The following CNTNAP2 variants were observed in gnomAD, a reference collection of about 807,000 sequenced individuals.
The protein encoded by CNTNAP2 is contactin-associated protein-like 2.
Under a neutral mutation model 155.2 loss-of-function variants are expected in CNTNAP2, and 98 were observed. The observed-to-expected ratio is 0.63, with a 90% CI of 0.54 to 0.75. CNTNAP2 has a LOEUF of 0.75. Ranked by LOEUF, CNTNAP2 falls within the 30% of genes least tolerant of loss-of-function variation. The pLI is 0.00. For synonymous variants in CNTNAP2, 651 were observed against 631.2 expected (o/e 1.03, Z -0.47); for missense variants, 1,727 against 1,688.1 (o/e 1.02, Z -0.40).
chr7:146,371,568 G>A (rs1041028506), intron 1 of CNTNAP2, among the ~76,000 whole-genome samples: 2 of 151,332 alleles, frequency 1.3e-5, no homozygotes, highest in Non-Finnish European at 2.9e-5. Context: ...TAGTAGAAAC[G>A]GGGTTTCACC....
At chr7:146,582,701 C>G (rs545650250) in intron 1 of CNTNAP2, among the ~76,000 whole-genome samples, 1 of 152,002 alleles carries the variant, frequency 6.6e-6, no homozygotes, top group Admixed American at 6.6e-5. Flanking sequence ...ATGCAGAGAC[C>G]AGATCACTCT....
At chr7:147,370,207 G>C (rs575200558) in intron 9 of CNTNAP2, among the ~76,000 whole-genome samples, 5 of 152,322 alleles carry the variant, frequency 3.3e-5, no homozygotes, top group African/African-American at 1.2e-4. Context: ...GATTATATTT[G>C]TGTGTACTTA....
At chr7:146,853,219 G>A (rs1266151432) in intron 3 of CNTNAP2, among the ~76,000 whole-genome samples, 2 of 152,124 alleles carry the variant, frequency 1.3e-5, no homozygotes, top group Admixed American at 6.6e-5. Context: ...TAATATGACA[G>A]CATTTTCTTG....
intron 1 of CNTNAP2, among the ~76,000 whole-genome samples, chr7:146,542,331 A>T (rs574236522): frequency 1.2e-3 from 177 of 152,116 alleles, no homozygotes; most frequent in Non-Finnish European, 2.1e-3. Context: ...TGTAAAACAC[A>T]TAAATTATAG....
chr7:146,138,967 G>T (rs1000488796), intron 1 of CNTNAP2, among the ~76,000 whole-genome samples: 15 of 152,066 alleles, frequency 9.9e-5, no homozygotes, highest in Admixed American at 9.2e-4. Context: ...TGAAAATATA[G>T]TTAAGTCGAA....
rs559580796 is a variant in CNTNAP2, at chr7:146,192,852, T to C, written c.97+75879T>C. On this transcript the variant is annotated intron_variant, in intron 1 of 23. Transcript: ENST00000361727. ...AGAAAGGGCAAGTCCCTTCTGCCTATGAATCTGTAAAAGTGAAAACAAGTT... is the reference window on the plus strand; with the variant it reads ...AGAAAGGGCAAGTCCCTTCTGCCTACGAATCTGTAAAAGTGAAAACAAGTT... 3.9e-5 allele frequency among the ~76,000 whole-genome samples: 6 copies of C among 152,290 alleles called. No homozygotes were observed. In the South Asian group the frequency reaches 1.2e-3, roughly 32 times the overall value.
chr7:146,156,162 A>G (rs767124220), intron 1 of CNTNAP2, among the ~76,000 whole-genome samples: 6 of 152,198 alleles, frequency 3.9e-5, no homozygotes, highest in Non-Finnish European at 8.8e-5. Flanking sequence ...GATAATGACA[A>G]AGTATTAAAT....
intron 13 of CNTNAP2, among the ~76,000 whole-genome samples, chr7:147,678,202 A>G (rs1254535754): frequency 6.6e-6 from 1 of 151,818 alleles, no homozygotes; most frequent in Non-Finnish European, 1.5e-5. Context: ...TTAGCTCATC[A>G]ATACTCAGCT....
chr7:146,965,366 C>T (rs190887815), intron 3 of CNTNAP2, among the ~76,000 whole-genome samples: 32 of 151,416 alleles, frequency 2.1e-4, no homozygotes, highest in Non-Finnish European at 4.3e-4. Flanking sequence ...GAGGAGGATG[C>T]TAGGAACCAG....
At chr7:147,977,258 C>G (rs1051140917) in intron 14 of CNTNAP2, among the ~76,000 whole-genome samples, 2 of 152,128 alleles carry the variant, frequency 1.3e-5, no homozygotes, top group African/African-American at 4.8e-5. Context: ...AGAACAAACT[C>G]AGGAGGAAAG....
At chr7:147,841,338 C>T (rs763511897) in intron 13 of CNTNAP2, among the ~76,000 whole-genome samples, 16 of 152,108 alleles carry the variant, frequency 1.1e-4, no homozygotes, top group South Asian at 4.1e-4. Flanking sequence ...TTTGCCAGAT[C>T]GTCTGTTTTC....
Position 147,421,794 on chromosome 7 carries a change from C to T in CNTNAP2, c.1670+26014C>T, listed in dbSNP as rs568048171. Among the ~76,000 whole-genome samples, 22 of 152,128 alleles carry T rather than the reference C, an allele frequency of 1.4e-4. No homozygotes were observed. The South Asian group carries it at 4.6e-3, about 32-fold the overall frequency. ...GGCCATTCCCTTGGTAATGAATGAGCTCTCACTCTGTGTTCACTTGAGACC... is the reference window on the plus strand; with the variant it reads ...GGCCATTCCCTTGGTAATGAATGAGTTCTCACTCTGTGTTCACTTGAGACC... On this transcript the variant is annotated intron_variant, in intron 10 of 23. Coordinates refer to ENST00000361727, the MANE Select transcript of CNTNAP2 (RefSeq NM_014141.6).
chr7:147,436,019 A>G (rs1158304568), intron 10 of CNTNAP2, among the ~76,000 whole-genome samples: 1 of 152,134 alleles, frequency 6.6e-6, no homozygotes, highest in Non-Finnish European at 1.5e-5. Flanking sequence ...GTGACCATTC[A>G]AATATCCCAA....
chr7:147,496,157 C>T (rs1409640734), intron 11 of CNTNAP2, among the ~76,000 whole-genome samples: 1 of 151,586 alleles, frequency 6.6e-6, no homozygotes, highest in Admixed American at 6.6e-5. Context: ...TTATTCATCA[C>T]AATGTCATAA....
At position 147,142,762 on chromosome 7, in the gene CNTNAP2, A is replaced by G. The variant is rs183841282; in HGVS notation, c.1348+10253A>G. ...AAACTTAAAGTATAATTAAACAAAA[A>G]AAGAATAAGTCCTGATTTCTTAGCA... On this transcript the variant is annotated intron_variant, in intron 8 of 23. Transcript: ENST00000361727. Among the ~76,000 whole-genome samples, 560 of 152,302 alleles carry G rather than the reference A, an allele frequency of 3.7e-3. 4 individuals carry two copies. Among genetic ancestry groups the G allele is most frequent in the African/African-American group, 0.013 (536 of 41,566 alleles).
chr7:147,492,770 A>G (rs888109677), intron 11 of CNTNAP2, among the ~76,000 whole-genome samples: 5 of 152,184 alleles, frequency 3.3e-5, no homozygotes, highest in Non-Finnish European at 5.9e-5. Flanking sequence ...ATAGAAGGTG[A>G]AGTCAGCTTT....
chr7:147,287,606 G>A (rs746967978), intron 8 of CNTNAP2, among the ~76,000 whole-genome samples: 6 of 141,636 alleles, frequency 4.2e-5, no homozygotes, highest in African/African-American at 9.9e-5. Flanking sequence ...ATCTTGCCCC[G>A]TGACTTACAC....
At chr7:147,138,833 G>A (rs1801541679) in intron 8 of CNTNAP2, among the ~76,000 whole-genome samples, 1 of 151,964 alleles carries the variant, frequency 6.6e-6, no homozygotes, top group African/African-American at 2.4e-5. Flanking sequence ...TTGTGTGTAT[G>A]TGTGTATAAT....
intron 1 of CNTNAP2, among the ~76,000 whole-genome samples, chr7:146,730,662 G>C (rs1480188265): frequency 6.6e-6 from 1 of 152,174 alleles, no homozygotes; most frequent in African/African-American, 2.4e-5. Flanking sequence ...TGTGGTTTCT[G>C]TTTTATTTAC....
Sources: allele counts gnomAD v4.1 joint callset (sites outside exome capture counted in the v4.1 genomes callset), GRCh38; gene constraint gnomAD v4.1.1; transcripts MANE v1.5; gene names NCBI Gene and HGNC (gene_info 2026-07-23, HGNC 2026-07-21).